Variants in CNTNAP4 observed in about 807,000 individuals in gnomAD.
CNTNAP4 encodes contactin associated protein family member 4.
CNTNAP4 carries 98 observed loss-of-function variants against 148.4 expected under a neutral mutation model. That is an observed-to-expected ratio of 0.66 (90% confidence interval 0.56 to 0.78). The LOEUF (loss-of-function observed/expected upper bound fraction) is 0.78, where lower values mean the gene tolerates loss of function less well. Ranked by LOEUF, CNTNAP4 falls within the 30% of genes least tolerant of loss-of-function variation. The probability of loss-of-function intolerance (pLI) is 0.00; values close to 1 mark genes in which losing one functional copy is unlikely to be tolerated. For synonymous variants in CNTNAP4, 730 were observed against 565.1 expected (o/e 1.29, Z -4.14); for missense variants, 1,935 against 1,565.6 (o/e 1.24, Z -3.98).
At chr16:76,361,442 G>A (rs935576125) in intron 3 of CNTNAP4, among the ~76,000 whole-genome samples, 6 of 152,122 alleles carry the variant, frequency 3.9e-5, no homozygotes, top group African/African-American at 1.4e-4. Flanking sequence ...TTAGCGTTAT[G>A]TCGTCAAAGT....
chr16:76,476,620 C>A (rs925855096), intron 11 of CNTNAP4, among the ~76,000 whole-genome samples: 1 of 152,166 alleles, frequency 6.6e-6, no homozygotes, highest in African/African-American at 2.4e-5. Context: ...AAGATGCCAG[C>A]AGATTAGGTG....
At chr16:76,525,767 A>G (rs1258064190) in intron 17 of CNTNAP4, among the ~76,000 whole-genome samples, 2 of 127,716 alleles carry the variant, frequency 1.6e-5, no homozygotes, top group Non-Finnish European at 3.3e-5. Flanking sequence ...ATATATAAAC[A>G]GTATAAGCTA....
At chr16:76,449,608 A>C (rs2080378178) in intron 6 of CNTNAP4, 107 bp from the exon 7 acceptor site, 1 of 937,834 alleles carries the variant, frequency 1.1e-6, no homozygotes, top group Non-Finnish European at 1.5e-6. Flanking sequence ...TAGGGTTATG[A>C]AAAATTGATC....
intron 8 of CNTNAP4, among the ~76,000 whole-genome samples, chr16:76,457,508 G>A (rs1348975735): frequency 1.3e-5 from 2 of 152,184 alleles, no homozygotes; most frequent in African/African-American, 4.8e-5. Flanking sequence ...TACTCTGGCA[G>A]TCTTTTGTTC....
chr16:76,435,553 G>C (rs1290033744), intron 4 of CNTNAP4, among the ~76,000 whole-genome samples: 1 of 152,150 alleles, frequency 6.6e-6, no homozygotes, highest in Admixed American at 6.6e-5. Flanking sequence ...AGCAATTGTA[G>C]GGCTCTTCAA....
intron 3 of CNTNAP4, among the ~76,000 whole-genome samples, chr16:76,411,379 A>T (rs892822081): frequency 2.0e-5 from 3 of 151,430 alleles, no homozygotes; most frequent in Non-Finnish European, 4.4e-5. Context: ...TAGAATATAC[A>T]GGTAAATGAG....
intron 13 of CNTNAP4, among the ~76,000 whole-genome samples, chr16:76,492,857 T>C (rs1251726158): frequency 1.3e-5 from 2 of 152,172 alleles, no homozygotes; most frequent in African/African-American, 4.8e-5. Context: ...GTCTCAGGTA[T>C]GTCTTTGTTA....
chr16:76,490,953 A>C (rs1446252851), intron 13 of CNTNAP4, among the ~76,000 whole-genome samples: 1 of 152,182 alleles, frequency 6.6e-6, no homozygotes, highest in Non-Finnish European at 1.5e-5. Context: ...GAATGACAAA[A>C]ATTTAAAAAG....
intron 3 of CNTNAP4, among the ~76,000 whole-genome samples, chr16:76,363,283 C>G (rs902347121): frequency 1.3e-5 from 2 of 151,820 alleles, no homozygotes; most frequent in African/African-American, 2.4e-5. Context: ...CTGCCTCAGC[C>G]TCCTGAGTGG....
rs375716679 is a variant in CNTNAP4 at position 76,342,503 on chromosome 16, T to C, written c.197-12815T>C. ...TTTTTTTTTTTTTGAGATGGAGTCT[T>C]GCTCTGTCGCCCAGGTTGGAGTGCA... On this transcript the variant is annotated intron_variant, in intron 2 of 23. Transcript: ENST00000611870. 2.4e-3 allele frequency among the ~76,000 whole-genome samples: 338 copies of C among 140,388 alleles called. 2 individuals are homozygous for C. The highest frequency in any genetic ancestry group is 8.8e-3 in the African/African-American group (324 of 36,834). The allele number at this position is 140,388 out of a possible 152,430, so 92.1% of individuals were successfully genotyped here. A position where few individuals can be genotyped will look rare whatever the true frequency, so the allele number is the denominator to read the frequency against.
chr16:76,514,981 A>G (rs2083190696), intron 15 of CNTNAP4, among the ~76,000 whole-genome samples: 1 of 152,188 alleles, frequency 6.6e-6, no homozygotes, highest in Admixed American at 6.6e-5. Context: ...GGCTTGTTGG[A>G]ATTTTATATG....
At chr16:76,278,105 T>C (rs1380495494) in intron 1 of CNTNAP4, among the ~76,000 whole-genome samples, 1 of 152,224 alleles carries the variant, frequency 6.6e-6, no homozygotes. Flanking sequence ...CTGAATTTTA[T>C]TGGAATTATG....
chr16:76,479,684 TA>T (rs1568340030), intron 12 of CNTNAP4, 146 bp downstream of exon 12: 2 of 781,938 alleles, frequency 2.6e-6, no homozygotes, highest in Non-Finnish European at 3.9e-6. Context: ...ACATAAATCT[TA>T]AAAAAATAAT....
At chr16:76,448,337 T>C (rs1364643960) in intron 5 of CNTNAP4, 122 bp downstream of exon 5, 4 of 669,874 alleles carry the variant, frequency 6.0e-6, no homozygotes, top group African/African-American at 1.8e-5. Context: ...CAAGGGCTTG[T>C]ACATATGTCA....
intron 4 of CNTNAP4, among the ~76,000 whole-genome samples, chr16:76,446,505 T>C (rs2080251263): frequency 6.6e-6 from 1 of 152,206 alleles, no homozygotes; most frequent in African/African-American, 2.4e-5. Flanking sequence ...ATTGTTAGGT[T>C]ACTGGTATAA....
At chr16:76,280,051 G>A (rs1002330725) in intron 1 of CNTNAP4, among the ~76,000 whole-genome samples, 4 of 152,006 alleles carry the variant, frequency 2.6e-5, no homozygotes, top group Admixed American at 2.6e-4. Flanking sequence ...AATTCTTCTG[G>A]ACAAGACTTT....
chr16:76,511,732 C>G (rs2083033204), intron 15 of CNTNAP4, among the ~76,000 whole-genome samples: 1 of 151,852 alleles, frequency 6.6e-6, no homozygotes, highest in African/African-American at 2.4e-5. Context: ...CTTCTCTTGT[C>G]TCTGTTTTTC....
rs373463464 is a variant in CNTNAP4 at position 76,287,620 on chromosome 16, T to C, written c.85+9873T>C. 2.6e-5 allele frequency: 4 copies of C among 152,190 alleles called. No individual in the cohort carries two copies. In the East Asian group the frequency reaches 5.8e-4, roughly 22 times the overall value. 9.4% of individuals were successfully genotyped at this position (152,190 alleles called of 1,614,324 possible). A position where few individuals can be genotyped will look rare whatever the true frequency, so the allele number is the denominator to read the frequency against. On this transcript the variant is annotated intron_variant, in intron 1 of 23. Coordinates refer to ENST00000611870, the MANE Select transcript of CNTNAP4 (RefSeq NM_033401.5). ...AGCCTCCTGTGATCATTTTCCTTTTTCATTTTCCTGGATATGAGGATGATC... is the reference window on the plus strand; with the variant it reads ...AGCCTCCTGTGATCATTTTCCTTTTCCATTTTCCTGGATATGAGGATGATC...
At chr16:76,435,272 A>G (rs533529774) in intron 4 of CNTNAP4, among the ~76,000 whole-genome samples, 19 of 152,228 alleles carry the variant, frequency 1.2e-4, no homozygotes, top group African/African-American at 4.6e-4. Context: ...TACTTATATA[A>G]ATTAAGCAGG....
Sources: gnomAD v4.1 joint callset for allele counts (sites outside exome capture counted in the v4.1 genomes callset) on GRCh38, gnomAD v4.1.1 for gene constraint, MANE v1.5 for transcripts, NCBI Gene and HGNC (gene_info 2026-07-23, HGNC 2026-07-21) for gene names.